Variants in AHDC1 observed in about 807,000 individuals in gnomAD.
AHDC1 encodes AT-hook DNA binding motif containing 1.
A neutral mutation model predicts 87.9 loss-of-function variants in AHDC1; 7 were observed. That is an observed-to-expected ratio of 0.08 (90% CI 0.05 to 0.15). AHDC1 has a LOEUF of 0.15. Among genes scored for constraint, AHDC1 ranks in the 10% least tolerant of loss-of-function variants. AHDC1 has a pLI of 1.00. For missense variants in AHDC1, 1,841 were observed against 2,253.2 expected (o/e 0.82, Z 3.70); for synonymous variants, 1,051 against 1,006.8 (o/e 1.04, Z -0.83).
Position 27,549,968 on chromosome 1 carries a change from G to T in AHDC1, c.2148C>A (p.Gly716=). 2 of 1,609,664 alleles carry T rather than the reference G, an allele frequency of 1.2e-6. No individual in the cohort carries two copies. Among genetic ancestry groups the T allele is most frequent in the South Asian group, 1.1e-5 (1 of 90,746 alleles). The part of the protein sequence containing the change: ...AVAAAGVGGP[G]LTELGHPRKR... ...TGCGTGGGTGCCCCAACTCAGTAAG[G>T]CCCGGGCCCCCGACCCCAGCGGCTG... Residue 716 remains glycine, a synonymous_variant, in exon 8 of 9, where the codon GGC becomes GGA. Transcript: ENST00000673934.
chr1:27,570,674 C>T (rs1229976494), intron 3 of AHDC1, among the ~76,000 whole-genome samples: 3 of 152,154 alleles, frequency 2.0e-5, no homozygotes, highest in Non-Finnish European at 4.4e-5. Flanking sequence ...GAACTGGGAC[C>T]AGGTCTGTAC....
chr1:27,549,787 C>T lies in AHDC1; in HGVS notation c.2329G>A (p.Ala777Thr), dbSNP rs746679918. The T allele has an allele frequency of 1.7e-5, 28 of 1,613,384 alleles. No individual in the cohort carries two copies. The African/African-American group carries it at 2.5e-4, about 15-fold the overall frequency. The change falls in exon 8 of 9, where the codon GCC (alanine) becomes ACC (threonine). Residue 777 changes from alanine (A) to threonine (T), a missense_variant. By Grantham distance (58) the Ala-to-Thr change is moderately conservative. Transcript: ENST00000673934. ...CCGCCTGGGTGCCCATGGTGAGGGG[C>T]CCAGCCACCACCCTTATCCCCGGCC... ...EWAGDKGGGW[A>T]PHHGHPGGQA...
intron 8 of AHDC1, among the ~76,000 whole-genome samples, chr1:27,541,651 A>C (rs1318116945): frequency 2.2e-5 from 3 of 138,494 alleles, no homozygotes; most frequent in Admixed American, 7.3e-5. Flanking sequence ...TTTTTGAGAC[A>C]GAGTTTTTGC....
Position 27,547,393 on chromosome 1 carries a change from G to T in AHDC1, c.4723C>A (p.Pro1575Thr). 6.4e-7 allele frequency: 1 copy of T among 1,566,018 alleles called. No homozygotes were observed. Among genetic ancestry groups the T allele is most frequent in the Non-Finnish European group, 8.7e-7 (1 of 1,155,108 alleles). The change falls in exon 8 of 9, where the codon CCT becomes ACT. Residue 1575 changes from proline (P) to threonine (T), a missense_variant. This residue lies in a region of AHDC1 where 505 missense variants were observed against 626.2 expected (regional missense o/e 0.81). Transcript: ENST00000673934. This position sits in a 1 kb window ranked among gnomAD's most constrained non-coding sequence, Gnocchi z 4.9. Reference protein sequence around the residue: ...RYPGFMPQAHPGLGGGPKSGF... With the variant: ...RYPGFMPQAHTGLGGGPKSGF... ...CTCTTGGGGCCCCCACCCAGGCCAG[G>T]ATGCGCCTGGGGCATAAAGCCTGGG...
Position 27,550,100 on chromosome 1 carries a change from T to C in AHDC1, c.2016A>G (p.Ala672=). The C allele has an allele frequency of 1.2e-6, 2 of 1,610,112 alleles. No individual in the cohort carries two copies. Among genetic ancestry groups the C allele is most frequent in the Non-Finnish European group, 1.7e-6 (2 of 1,179,214 alleles). Residue 672 remains alanine (A), a synonymous_variant, in exon 8 of 9, where the codon GCA becomes GCG. Transcript: ENST00000673934. The part of the protein sequence containing the change: ...VQGFRRRGGK[A]GGFGGRGGGH... ...CCCCACCCCGGCCACCAAAACCGCC[T>C]GCTTTGCCCCCACGCCGCCGGAAGC...
Position 27,551,121 on chromosome 1 carries a change from TG to T in AHDC1, c.994del (p.Gln332ArgfsTer120). The T allele has an allele frequency of 6.3e-7, 1 of 1,590,294 alleles. No homozygotes were observed. The highest frequency in any genetic ancestry group is 8.6e-7 in the Non-Finnish European group (1 of 1,168,422). On this transcript the variant is annotated frameshift_variant, in exon 8 of 9. Coordinates refer to ENST00000673934, the MANE Select transcript of AHDC1 (RefSeq NM_001371928.1). LOFTEE classifies it high-confidence loss of function. ...CAGCTTGGGCAGGGGGTCGAGTGCCTGGGGGTCAAGCAGCTGCGACTCCAAG... is the reference window on the plus strand; with the variant it reads ...CAGCTTGGGCAGGGGGTCGAGTGCCTGGGGTCAAGCAGCTGCGACTCCAAG... ...DSLESQLLDP[Q>X]ALDPLPKLLD... is the part of the protein sequence containing the mutation.
At position 27,550,442 on chromosome 1, in the gene AHDC1, G is replaced by A. The variant is rs567822339; in HGVS notation, c.1674C>T (p.Pro558=). ...CCACAGCTGGCTCCTTGGGCTTGCCGGGACCCAGCAGCAGGTTCTTAGGAG... is the reference window on the plus strand; with the variant it reads ...CCACAGCTGGCTCCTTGGGCTTGCCAGGACCCAGCAGCAGGTTCTTAGGAG... The part of the protein sequence containing the change: ...GRPPKNLLLG[P]GKPKEPAVVA... Residue 558 remains proline (P), a synonymous_variant, in exon 8 of 9, where the codon CCC becomes CCT. Transcript: ENST00000673934. 2.1e-5 allele frequency: 34 copies of A among 1,608,720 alleles called. No individual in the cohort carries two copies. Among genetic ancestry groups the A allele is most frequent in the South Asian group, 1.8e-4 (16 of 90,910 alleles).
chr1:27,566,668 G>A (rs1458481942), intron 3 of AHDC1, among the ~76,000 whole-genome samples: 2 of 139,332 alleles, frequency 1.4e-5, no homozygotes, highest in Non-Finnish European at 3.1e-5. Context: ...CAGAGGTGAG[G>A]AGGGAGGGGG....
chr1:27,595,788 T>G lies in AHDC1; in HGVS notation c.-629+7609A>C, dbSNP rs1334109492. Reference sequence around the variant, plus strand: ...CACAGGTATGAGGGCTGTAACCAGGTTCCTGGTGTCAGGGAGGTGTTGCAG... The same window carrying G: ...CACAGGTATGAGGGCTGTAACCAGGGTCCTGGTGTCAGGGAGGTGTTGCAG... On this transcript the variant is annotated intron_variant, in intron 3 of 8. Transcript: ENST00000673934. The surrounding 1 kb of genome is among the most constrained non-coding windows in gnomAD (Gnocchi z 4.0). Among the ~76,000 whole-genome samples, 1 of 151,860 alleles carries G rather than the reference T, an allele frequency of 6.6e-6. No homozygotes were observed. The highest frequency in any genetic ancestry group is 2.4e-5 in the African/African-American group (1 of 41,266).
chr1:27,550,780 C>T lies in AHDC1; in HGVS notation c.1336G>A (p.Val446Ile), dbSNP rs747483558. ...PPPALPGPGP[V>I]SVPELKPESS... ...TCCGGCTTCAACTCTGGGACTGAGA[C>T]CGGGCCTGGGCCTGGCAGGGCAGGG... is the stretch of plus-strand genomic sequence containing the variant. Residue 446 changes from valine (V) to isoleucine (I), a missense_variant, in exon 8 of 9, where the codon GTC becomes ATC. Around this residue, in one of 13 missense-constraint regions of AHDC1, gnomAD observed 370 missense variants for 391.5 expected, o/e 0.95. Transcript: ENST00000673934. The T allele has an allele frequency of 1.3e-5, 21 of 1,570,310 alleles. No individual in the cohort carries two copies. The highest frequency in any genetic ancestry group is 3.5e-5 in the South Asian group (3 of 86,596).
intron 3 of AHDC1, chr1:27,568,388 C>T (rs2020412465): frequency 6.6e-6 from 1 of 152,304 alleles, no homozygotes; most frequent in South Asian, 2.1e-4. Context: ...GTGGAGCACT[C>T]CAGGAGAGAG....
Position 27,551,557 on chromosome 1 carries a change from G to T in AHDC1, c.559C>A (p.His187Asn). ...TGGCTGGGCCGCTCCGACTTGGCGT[G>T]TGGGGTGGCCCGCTCCTCAGGGCTA... The part of the protein sequence containing the change: ...IRSPEERATP[H>N]AKSERPSHPL... The change falls in exon 8 of 9, where the codon CAC becomes AAC. Residue 187 changes from histidine (H) to asparagine (N), a missense_variant. Physicochemically the swap from His to Asn is moderately conservative, Grantham distance 68. Coordinates refer to ENST00000673934, the MANE Select transcript of AHDC1 (RefSeq NM_001371928.1). 1 of 1,608,280 alleles carries T rather than the reference G, an allele frequency of 6.2e-7. No homozygotes were observed. The highest frequency in any genetic ancestry group is 8.5e-7 in the Non-Finnish European group (1 of 1,176,418).
At chr1:27,543,271 G>A (rs1348071718) in intron 8 of AHDC1, among the ~76,000 whole-genome samples, 1 of 152,220 alleles carries the variant, frequency 6.6e-6, no homozygotes, top group Non-Finnish European at 1.5e-5. Context: ...TGTCCCCAGG[G>A]TCTGATAGGG....
chr1:27,547,721 G>C lies in AHDC1; in HGVS notation c.4395C>G (p.Ala1465=), dbSNP rs1441802355. The change falls in exon 8 of 9, where the codon GCC becomes GCG. Residue 1465 remains alanine (A), a synonymous_variant. Coordinates refer to ENST00000673934, the MANE Select transcript of AHDC1 (RefSeq NM_001371928.1). This position sits in a 1 kb window ranked among gnomAD's most constrained non-coding sequence, Gnocchi z 4.9. ...CAGCTGAGCCTGGAGGGTACCAATA[G>C]GCTGTGCCCTTGCAGCTGGGGGAAT... ...HYDSPSCKGT[A]YWYPPGSAAR... 1 of 1,594,600 alleles carries C rather than the reference G, an allele frequency of 6.3e-7. No individual in the cohort carries two copies. The highest frequency in any genetic ancestry group is 8.6e-7 in the Non-Finnish European group (1 of 1,168,328).
Position 27,534,271 on chromosome 1 carries a change from T to TTTTTTTTTTTTTTTTTTTTA in AHDC1, c.*688_*689insTAAAAAAAAAAAAAAAAAAA, listed in dbSNP as rs2018541584. The TTTTTTTTTTTTTTTTTTTTA allele has an allele frequency of 6.7e-6, 1 of 149,914 alleles. No individual in the cohort carries two copies. The highest frequency in any genetic ancestry group is 2.5e-5 in the African/African-American group (1 of 40,546). 9.3% of individuals were successfully genotyped at this position (149,914 alleles called of 1,614,324 possible). ...TGGTTTTTTTTTTTTGTTTTTTTTT[T>TTTTTTTTTTTTTTTTTTTTA]GTTTTTTTTTTGCTTTTTTTCATTT... On this transcript the variant is annotated 3_prime_UTR_variant, in exon 9 of 9. Transcript: ENST00000673934.
In AHDC1 at chr1:27,560,206, G is replaced by T. The variant is rs2020009516; in HGVS notation, c.-628-1323C>A. Among the ~76,000 whole-genome samples the T allele has an allele frequency of 6.6e-6, 1 of 151,504 alleles. No individual in the cohort carries two copies. The highest frequency in any genetic ancestry group is 2.4e-5 in the African/African-American group (1 of 41,188). On this transcript the variant is annotated intron_variant, in intron 3 of 8. Coordinates refer to ENST00000673934, the MANE Select transcript of AHDC1 (RefSeq NM_001371928.1). This position sits in a 1 kb window ranked among gnomAD's most constrained non-coding sequence, Gnocchi z 4.1. ...ACGTTTATTTCTATTCGTTTTGTGT[G>T]TGTGTGTGTGTGTGTGTGAGTCTAG...
chr1:27,583,950 A>G (rs1159890061), intron 3 of AHDC1, among the ~76,000 whole-genome samples: 2 of 152,188 alleles, frequency 1.3e-5, no homozygotes, highest in Non-Finnish European at 2.9e-5. Flanking sequence ...CTCTTTCCAG[A>G]TTATGGTGGT....
At chr1:27,571,832 T>C (rs1013476927) in intron 3 of AHDC1, among the ~76,000 whole-genome samples, 4 of 151,960 alleles carry the variant, frequency 2.6e-5, no homozygotes, top group African/African-American at 9.7e-5. Context: ...GTTGCGGCAG[T>C]CGCTAATGGC....
chr1:27,595,536 G>C lies in AHDC1; in HGVS notation c.-629+7861C>G, dbSNP rs544989143. ...TCATAAAAATGTGGGTTTTGGTTAA[G>C]TACTAGGGCTGTGAACATGTGCCTG... On this transcript the variant is annotated intron_variant, in intron 3 of 8. Transcript: ENST00000673934. This position sits in a 1 kb window ranked among gnomAD's most constrained non-coding sequence, Gnocchi z 4.0. Among the ~76,000 whole-genome samples the C allele has an allele frequency of 5.3e-5, 8 of 151,678 alleles. No homozygotes were observed. The highest frequency in any genetic ancestry group is 1.2e-4 in the Non-Finnish European group (8 of 67,938).
Sources: allele counts gnomAD v4.1 joint callset (sites outside exome capture counted in the v4.1 genomes callset), GRCh38; gene constraint gnomAD v4.1.1; regional missense constraint gnomAD v4.1.1; non-coding constraint Gnocchi (gnomAD v3.1); transcripts MANE v1.5; gene names NCBI Gene and HGNC (gene_info 2026-07-23, HGNC 2026-07-21).